EXOC6B: variants seen among roughly 807,000 people sequenced by gnomAD.
EXOC6B encodes the protein exocyst complex component 6B.
A neutral mutation model predicts 113.5 loss-of-function variants in EXOC6B; 54 were observed. The ratio of observed to expected loss-of-function variants is 0.48; its 90% CI spans 0.38 to 0.60. EXOC6B has a LOEUF of 0.60. Ranked by LOEUF, EXOC6B falls within the 20% of genes least tolerant of loss-of-function variation. EXOC6B has a pLI of 0.00. For missense variants in EXOC6B, 797 were observed against 977.5 expected (o/e 0.82, Z 2.46); for synonymous variants, 357 against 339.0 (o/e 1.05, Z -0.58).
intron 6 of EXOC6B, among the ~76,000 whole-genome samples, chr2:72,698,926 C>T (rs779263779): frequency 3.5e-4 from 53 of 152,234 alleles, no homozygotes; most frequent in Non-Finnish European, 6.5e-4. Context: ...AAGGAACATC[C>T]CAGAATATAC....
At chr2:72,599,982 G>T (rs958971797) in intron 6 of EXOC6B, among the ~76,000 whole-genome samples, 17 of 151,976 alleles carry the variant, frequency 1.1e-4, no homozygotes, top group African/African-American at 4.1e-4. Flanking sequence ...ATGATCTAAA[G>T]ATTCAACACA....
chr2:72,368,898 A>G (rs1204595261), intron 19 of EXOC6B, among the ~76,000 whole-genome samples: 1 of 152,228 alleles, frequency 6.6e-6, no homozygotes, highest in East Asian at 1.9e-4. Context: ...ACAAACCCAC[A>G]GCCAATATCA....
At chr2:72,636,216 T>C (rs1389278556) in intron 6 of EXOC6B, among the ~76,000 whole-genome samples, 1 of 149,712 alleles carries the variant, frequency 6.7e-6, no homozygotes, top group Admixed American at 6.7e-5. Context: ...TGAAACCATG[T>C]ATTAAATATC....
At chr2:72,775,535 A>T (rs1683645086) in intron 1 of EXOC6B, among the ~76,000 whole-genome samples, 1 of 152,222 alleles carries the variant, frequency 6.6e-6, no homozygotes, top group South Asian at 2.1e-4. Context: ...TTCAACAGGT[A>T]AATGTGGTAT....
chr2:72,260,440 G>C (rs1683645269), intron 20 of EXOC6B, among the ~76,000 whole-genome samples: 1 of 152,208 alleles, frequency 6.6e-6, no homozygotes, highest in Admixed American at 6.5e-5. Context: ...TGAGCAGAGT[G>C]TCATTAGCAA....
intron 20 of EXOC6B, among the ~76,000 whole-genome samples, chr2:72,264,800 C>A (rs1683955038): frequency 6.6e-6 from 1 of 152,056 alleles, no homozygotes; most frequent in Non-Finnish European, 1.5e-5. Flanking sequence ...GCCTCTCATT[C>A]TCTCTCCTAC....
rs762762374 is a variant in EXOC6B, at chr2:72,741,410, C to T, written c.173G>A (p.Arg58His). The T allele has an allele frequency of 6.2e-6, 10 of 1,613,466 alleles. No individual in the cohort carries two copies. The highest frequency in any genetic ancestry group is 1.3e-5 in the African/African-American group (1 of 74,796). Residue 58 changes from arginine (R) to histidine (H), a missense_variant, in exon 2 of 22, where the codon CGT (arginine) becomes CAT (histidine). Coordinates refer to ENST00000272427, the MANE Select transcript of EXOC6B (RefSeq NM_015189.3). ...TTTCTCAATTTCTCGGTCGTGATTACGGATACGAGTTTCAAGCTTCTCCAT... is the reference window on the plus strand; with the variant it reads ...TTTCTCAATTTCTCGGTCGTGATTATGGATACGAGTTTCAAGCTTCTCCAT... ...RFMEKLETRI[R>H]NHDREIEKMC...
chr2:72,620,317 A>C (rs1671667502), intron 6 of EXOC6B, among the ~76,000 whole-genome samples: 1 of 152,192 alleles, frequency 6.6e-6, no homozygotes, highest in Admixed American at 6.5e-5. Context: ...GAAGAGCATC[A>C]GGAAGAATGG....
In EXOC6B at chr2:72,256,740, T is replaced by G. The variant is rs114709790; in HGVS notation, c.2197-72553A>C. On this transcript the variant is annotated intron_variant, in intron 20 of 21. Coordinates refer to ENST00000272427, the MANE Select transcript of EXOC6B (RefSeq NM_015189.3). ...AGAAATCAGCTCTGAAATCTATCTA[T>G]TTTTACAAAGCTGCAAGGTAATTCA... is the stretch of plus-strand genomic sequence containing the variant. Among the ~76,000 whole-genome samples, 951 of 152,300 alleles carry G rather than the reference T, an allele frequency of 6.2e-3. 10 individuals are homozygous for G. The highest frequency in any genetic ancestry group is 0.021 in the African/African-American group (891 of 41,562).
In EXOC6B at chr2:72,825,042, T is replaced by C; in HGVS notation, c.113+756A>G. Among the ~76,000 whole-genome samples the C allele has an allele frequency of 6.6e-6, 1 of 152,368 alleles. No homozygotes were observed. The highest frequency in any genetic ancestry group is 2.1e-4 in the South Asian group (1 of 4,830). ...TAAGTTGCATTTGTAAATCACTTTATACAACGTCTTGGACTTTATGTAACA... is the reference window on the plus strand; with the variant it reads ...TAAGTTGCATTTGTAAATCACTTTACACAACGTCTTGGACTTTATGTAACA... On this transcript the variant is annotated intron_variant, in intron 1 of 21. Transcript: ENST00000272427. The surrounding 1 kb of genome is among the most constrained non-coding windows in gnomAD (Gnocchi z 4.4).
In EXOC6B at chr2:72,563,147, C is replaced by T. The variant is rs113895217; in HGVS notation, c.847-3626G>A. On this transcript the variant is annotated intron_variant, in intron 7 of 21. Coordinates refer to ENST00000272427, the MANE Select transcript of EXOC6B (RefSeq NM_015189.3). ...AGAACTAGGATACATTTTTTAATAA[C>T]GGATAAATAACGAGCTAGTAAAAGA... Among the ~76,000 whole-genome samples, 667 of 152,100 alleles carry T rather than the reference C, an allele frequency of 4.4e-3. 5 individuals carry two copies. Among genetic ancestry groups the T allele is most frequent in the African/African-American group, 0.015 (612 of 41,498 alleles).
chr2:72,204,543 A>AC (rs1190724102), intron 20 of EXOC6B, among the ~76,000 whole-genome samples: 1 of 132,012 alleles, frequency 7.6e-6, no homozygotes, highest in Non-Finnish European at 1.6e-5. Context: ...AGGGGAGAAG[A>AC]CCAGAAGAAG....
chr2:72,470,865 A>G lies in EXOC6B; in HGVS notation c.1801-5526T>C, dbSNP rs180718299. Among the ~76,000 whole-genome samples the G allele has an allele frequency of 5.8e-3, 876 of 152,204 alleles. 10 individuals are homozygous for G. The highest frequency in any genetic ancestry group is 7.5e-3 in the Non-Finnish European group (513 of 68,020). Reference sequence around the variant, plus strand: ...CCAACTTTTCTTGATCCAGTCTATCATTGTTGGACATTTGGGTTGGTTCCA... The same window carrying G: ...CCAACTTTTCTTGATCCAGTCTATCGTTGTTGGACATTTGGGTTGGTTCCA... On this transcript the variant is annotated intron_variant, in intron 17 of 21. Transcript: ENST00000272427.
chr2:72,441,465 GA>G (rs1016841898), intron 18 of EXOC6B, among the ~76,000 whole-genome samples: 9 of 145,238 alleles, frequency 6.2e-5, no homozygotes, highest in East Asian at 6.0e-4. Context: ...AACTTTTTTT[GA>G]AAAAAAAATA....
At chr2:72,473,744 T>G (rs373818460) in intron 17 of EXOC6B, among the ~76,000 whole-genome samples, 16 of 152,286 alleles carry the variant, frequency 1.1e-4, no homozygotes, top group African/African-American at 3.1e-4. Flanking sequence ...GTGTATTCTT[T>G]GTTCCTTTCC....
intron 20 of EXOC6B, among the ~76,000 whole-genome samples, chr2:72,189,860 C>CTTCTTTTTTTTT (rs1178321834): frequency 3.8e-4 from 33 of 87,216 alleles, no homozygotes; most frequent in African/African-American, 1.4e-3. Context: ...CCTTCTTCTT[C>CTTCTTTTTTTTT]TTTTTTTTTT....
chr2:72,618,467 A>T (rs945931871), intron 6 of EXOC6B, among the ~76,000 whole-genome samples: 3 of 152,204 alleles, frequency 2.0e-5, no homozygotes, highest in African/African-American at 7.2e-5. Flanking sequence ...ATATTCCAAA[A>T]TAAGACCCAC....
intron 18 of EXOC6B, among the ~76,000 whole-genome samples, chr2:72,425,278 T>C (rs1423144383): frequency 4.6e-5 from 7 of 152,352 alleles, no homozygotes; most frequent in Non-Finnish European, 1.0e-4. Context: ...GTTTTAGGTC[T>C]ATTAGTGATG....
intron 8 of EXOC6B, among the ~76,000 whole-genome samples, chr2:72,518,316 A>T (rs1251176786): frequency 6.6e-6 from 1 of 152,224 alleles, no homozygotes; most frequent in Non-Finnish European, 1.5e-5. Flanking sequence ...TTGTGTTAAT[A>T]CACACAATCT....
Sources: allele counts gnomAD v4.1 joint callset (sites outside exome capture counted in the v4.1 genomes callset), GRCh38; gene constraint gnomAD v4.1.1; non-coding constraint Gnocchi (gnomAD v3.1); transcripts MANE v1.5; gene names NCBI Gene and HGNC (gene_info 2026-07-23, HGNC 2026-07-21).